The following TBCEL variants were observed in gnomAD, a reference collection of about 807,000 sequenced individuals.
TBCEL encodes the protein tubulin folding cofactor E like.
In TBCEL, 15 loss-of-function variants were observed where a neutral mutation model predicts 44.2. The ratio of observed to expected loss-of-function variants is 0.34; its 90% confidence interval spans 0.23 to 0.52. TBCEL has a LOEUF of 0.52. TBCEL is among the 20% of genes least tolerant of loss of function. The pLI is 0.95. For synonymous variants in TBCEL, 171 were observed against 185.4 expected (o/e 0.92, Z 0.63); for missense variants, 319 against 506.3 (o/e 0.63, Z 3.55).
intron 1 of TBCEL, among the ~76,000 whole-genome samples, chr11:121,032,748 A>C (rs1315095577): frequency 6.6e-6 from 1 of 152,182 alleles, no homozygotes; most frequent in Non-Finnish European, 1.5e-5. Context: ...TGGAAAGGAC[A>C]CTTGTTTATA....
chr11:121,029,002 C>T (rs1342155013), intron 1 of TBCEL, among the ~76,000 whole-genome samples: 3 of 152,146 alleles, frequency 2.0e-5, no homozygotes, highest in Admixed American at 2.0e-4. Flanking sequence ...ATTTTCTAGC[C>T]GTCTTCCCAC....
chr11:121,048,899 T>A lies in TBCEL; in HGVS notation c.273+1232T>A, dbSNP rs568002388. Among the ~76,000 whole-genome samples, 6 of 152,014 alleles carry A rather than the reference T, an allele frequency of 3.9e-5. No individual in the cohort carries two copies. In the South Asian group the frequency reaches 1.2e-3, roughly 32 times the overall value. On this transcript the variant is annotated intron_variant, in intron 4 of 8. Transcript: ENST00000683345. ...TGTCTACCTGGCCACTTCCTATTTATCCTTCAAGACTTGGCCCAAGTTGCT... is the reference window on the plus strand; with the variant it reads ...TGTCTACCTGGCCACTTCCTATTTAACCTTCAAGACTTGGCCCAAGTTGCT...
chr11:121,081,400 T>G (rs1331200421), intron 8 of TBCEL, among the ~76,000 whole-genome samples: 1 of 152,248 alleles, frequency 6.6e-6, no homozygotes, highest in African/African-American at 2.4e-5. Context: ...CAAAGTAGGT[T>G]TATAACACTT....
At chr11:121,028,775 G>A (rs997820418) in intron 1 of TBCEL, among the ~76,000 whole-genome samples, 7 of 152,194 alleles carry the variant, frequency 4.6e-5, no homozygotes, top group African/African-American at 1.4e-4. Flanking sequence ...ATGGTTTTAA[G>A]AACTAAGGCT....
chr11:121,041,387 G>A (rs1945330253), intron 2 of TBCEL, among the ~76,000 whole-genome samples: 1 of 152,084 alleles, frequency 6.6e-6, no homozygotes, highest in South Asian at 2.1e-4. Flanking sequence ...CTTTTTCCAA[G>A]CACTTTACAA....
chr11:121,031,235 T>G (rs1252204314), intron 1 of TBCEL, among the ~76,000 whole-genome samples: 1 of 152,208 alleles, frequency 6.6e-6, no homozygotes, highest in Non-Finnish European at 1.5e-5. Context: ...ATAGAGTATG[T>G]GCGTCTTCAA....
intron 8 of TBCEL, among the ~76,000 whole-genome samples, chr11:121,067,566 T>C (rs1945843199): frequency 6.6e-6 from 1 of 152,142 alleles, no homozygotes; most frequent in Non-Finnish European, 1.5e-5. Flanking sequence ...AGGAAAAATC[T>C]CTGTTTTCTG....
intron 1 of TBCEL, among the ~76,000 whole-genome samples, chr11:121,032,036 G>C (rs560305593): frequency 1.3e-5 from 2 of 152,252 alleles, no homozygotes; most frequent in East Asian, 3.9e-4. Context: ...CCTAAATCAA[G>C]ATCATAAAGT....
At chr11:121,059,592 G>C (rs1346125110) in intron 7 of TBCEL, among the ~76,000 whole-genome samples, 1 of 151,802 alleles carries the variant, frequency 6.6e-6, no homozygotes, top group African/African-American at 2.4e-5. Context: ...GGATACATTG[G>C]GTTAAGTGAA....
At position 121,068,493 on chromosome 11, in the gene TBCEL, G is replaced by C. The variant is rs565133581; in HGVS notation, c.956+8408G>C. Among the ~76,000 whole-genome samples, 5 of 151,716 alleles carry C rather than the reference G, an allele frequency of 3.3e-5. No homozygotes were observed. The South Asian group carries it at 8.3e-4, about 25-fold the overall frequency. On this transcript the variant is annotated intron_variant, in intron 8 of 8. Coordinates refer to ENST00000683345, the MANE Select transcript of TBCEL (RefSeq NM_001363644.2). The stretch of plus-strand genomic sequence containing the variant: ...ATCATATCTTACTTGTGTTATTGTA[G>C]TAGCCTACTGACCAGTCTCCCTGAG...
intron 8 of TBCEL, among the ~76,000 whole-genome samples, chr11:121,081,612 T>G (rs1946126881): frequency 1.3e-5 from 2 of 152,248 alleles, no homozygotes; most frequent in South Asian, 4.1e-4. Context: ...GCATGCAGTA[T>G]AGTTCAGTTT....
At chr11:121,061,866 A>G (rs1945729785) in intron 8 of TBCEL, among the ~76,000 whole-genome samples, 1 of 152,040 alleles carries the variant, frequency 6.6e-6, no homozygotes, top group African/African-American at 2.4e-5. Flanking sequence ...GCTGTACTAC[A>G]TTTATACAAT....
intron 8 of TBCEL, among the ~76,000 whole-genome samples, chr11:121,068,686 C>T (rs888660055): frequency 4.0e-5 from 6 of 151,896 alleles, no homozygotes; most frequent in Non-Finnish European, 2.9e-5. Context: ...GAGTTCAAGA[C>T]CAGCTTGACC....
At chr11:121,085,878 G>T (rs1346293091) in intron 8 of TBCEL, among the ~76,000 whole-genome samples, 1 of 152,204 alleles carries the variant, frequency 6.6e-6, no homozygotes, top group African/African-American at 2.4e-5. Flanking sequence ...AGTTAAAGCT[G>T]AAAGTGGTGT....
chr11:121,065,548 T>C (rs1320173349), intron 8 of TBCEL, among the ~76,000 whole-genome samples: 1 of 152,244 alleles, frequency 6.6e-6, no homozygotes, highest in Non-Finnish European at 1.5e-5. Flanking sequence ...CATCAAACCC[T>C]GTGCATTTGT....
intron 8 of TBCEL, among the ~76,000 whole-genome samples, chr11:121,065,143 C>T (rs1415792168): frequency 1.3e-5 from 2 of 152,032 alleles, no homozygotes; most frequent in South Asian, 2.1e-4. Context: ...ATTTTCTGTA[C>T]GTTTTTCCAT....
intron 8 of TBCEL, among the ~76,000 whole-genome samples, chr11:121,063,796 G>A (rs1333759465): frequency 1.3e-5 from 2 of 152,096 alleles, no homozygotes; most frequent in Non-Finnish European, 2.9e-5. Flanking sequence ...CCTGTTTGTT[G>A]GGGGAGAGGG....
At chr11:121,044,853 T>A (rs2134917983) in intron 2 of TBCEL, among the ~76,000 whole-genome samples, 1 of 152,206 alleles carries the variant, frequency 6.6e-6, no homozygotes, top group East Asian at 1.9e-4. Context: ...TTTGTATTAT[T>A]TAGGATTAGG....
chr11:121,051,981 G>A (rs1945537235), intron 4 of TBCEL, among the ~76,000 whole-genome samples: 1 of 151,602 alleles, frequency 6.6e-6, no homozygotes, highest in Non-Finnish European at 1.5e-5. Flanking sequence ...TACTCTTTTG[G>A]CATTACTTCT....
Sources: allele counts gnomAD v4.1 joint callset (sites outside exome capture counted in the v4.1 genomes callset), GRCh38; gene constraint gnomAD v4.1.1; transcripts MANE v1.5; gene names NCBI Gene and HGNC (gene_info 2026-07-23, HGNC 2026-07-21).